CTNNA3: variants seen among roughly 807,000 people sequenced by gnomAD.
CTNNA3 encodes catenin alpha 3, also known as catenin alpha-3.
Under a neutral mutation model 95.7 loss-of-function variants are expected in CTNNA3, and 76 were observed. The observed-to-expected ratio is 0.79, with a 90% CI of 0.66 to 0.96. The LOEUF (loss-of-function observed/expected upper bound fraction) is 0.96, where lower values mean the gene tolerates loss of function less well. CTNNA3 is among the 40% of genes least tolerant of loss of function. The pLI, the probability that CTNNA3 is intolerant of heterozygous loss-of-function variation, is 0.00. For missense variants in CTNNA3, 1,191 were observed against 1,089.8 expected (o/e 1.09, Z -1.31); for synonymous variants, 431 against 374.4 (o/e 1.15, Z -1.74).
intron 16 of CTNNA3, among the ~76,000 whole-genome samples, chr10:65,968,633 A>T (rs2078028167): frequency 6.6e-6 from 1 of 152,088 alleles, no homozygotes; most frequent in African/African-American, 2.4e-5. Context: ...TTCAAAGTAC[A>T]TGTTTGCTCA....
chr10:67,485,062 C>T (rs1056866635), intron 5 of CTNNA3, among the ~76,000 whole-genome samples: 2 of 152,158 alleles, frequency 1.3e-5, no homozygotes, highest in African/African-American at 2.4e-5. Flanking sequence ...GACATGGAAT[C>T]AACATAGATG....
intron 13 of CTNNA3, among the ~76,000 whole-genome samples, chr10:66,130,864 C>CAAAAAAAAAAAA (rs1209953818): frequency 3.6e-5 from 3 of 83,276 alleles, no homozygotes; most frequent in African/African-American, 3.9e-5. Flanking sequence ...CAAAAACAAA[C>CAAAAAAAAAAAA]AAAAAAAAAA....
Position 67,305,466 on chromosome 10 carries a change from G to A in CTNNA3, c.580-85596C>T, listed in dbSNP as rs566366184. Among the ~76,000 whole-genome samples, 9 of 152,036 alleles carry A rather than the reference G, an allele frequency of 5.9e-5. No individual in the cohort carries two copies. The South Asian group carries it at 1.9e-3, about 32-fold the overall frequency. ...GGAAAAGTCTAGATAGGTATGTAGG[G>A]GAGAAATAAAGAAGGGTCTTGTACC... On this transcript the variant is annotated intron_variant, in intron 5 of 17. Coordinates refer to ENST00000433211, the MANE Select transcript of CTNNA3 (RefSeq NM_013266.4).
intron 7 of CTNNA3, among the ~76,000 whole-genome samples, chr10:67,104,132 A>G (rs867471540): frequency 2.0e-4 from 30 of 151,872 alleles, no homozygotes; most frequent in Non-Finnish European, 1.2e-4. Flanking sequence ...TGGCTGAAAA[A>G]AAGAGGTCAG....
intron 13 of CTNNA3, among the ~76,000 whole-genome samples, chr10:66,122,726 G>A (rs1347910156): frequency 6.6e-6 from 1 of 152,182 alleles, no homozygotes; most frequent in African/African-American, 2.4e-5. Flanking sequence ...ACATGGCTAG[G>A]AATGCCTCAC....
intron 15 of CTNNA3, among the ~76,000 whole-genome samples, chr10:66,041,723 CT>C (rs67577090): frequency 1.2e-4 from 18 of 151,378 alleles, no homozygotes; most frequent in African/African-American, 2.9e-4. Flanking sequence ...GCATTTGTTC[CT>C]TTTTTTTTCT....
chr10:66,407,090 C>T (rs1025336237), intron 11 of CTNNA3, among the ~76,000 whole-genome samples: 6 of 151,954 alleles, frequency 3.9e-5, no homozygotes, highest in African/African-American at 1.5e-4. Context: ...GAATATCAAA[C>T]ACCAGCCAAC....
chr10:66,199,540 A>G (rs2087183321), intron 13 of CTNNA3, among the ~76,000 whole-genome samples: 1 of 151,388 alleles, frequency 6.6e-6, no homozygotes, highest in African/African-American at 2.4e-5. Context: ...ATTTTATGAC[A>G]TAAAAACTAT....
chr10:66,691,061 T>C (rs542695262), intron 9 of CTNNA3, among the ~76,000 whole-genome samples: 5 of 152,270 alleles, frequency 3.3e-5, no homozygotes, highest in African/African-American at 9.6e-5. Flanking sequence ...TGCATTTCCA[T>C]CTGAGGTACC....
chr10:66,685,138 A>G (rs1847203541), intron 9 of CTNNA3, among the ~76,000 whole-genome samples: 1 of 146,960 alleles, frequency 6.8e-6, no homozygotes, highest in African/African-American at 2.5e-5. Flanking sequence ...AGGCATTCTT[A>G]GAAGAACTAT....
intron 12 of CTNNA3, among the ~76,000 whole-genome samples, chr10:66,360,739 TCTTTCTTC>T (rs768835577): frequency 0.15 from 11,900 of 81,672 alleles, 2,194 homozygotes; most frequent in South Asian, 0.3. Flanking sequence ...TTTCTTTCTT[TCTTTCTTC>T]CTTCCTTCCT....
At chr10:66,228,579 C>G (rs572956303) in intron 13 of CTNNA3, among the ~76,000 whole-genome samples, 1 of 152,050 alleles carries the variant, frequency 6.6e-6, no homozygotes, top group Non-Finnish European at 1.5e-5. Flanking sequence ...GTTTTGTGAC[C>G]TAACTTTGTG....
intron 17 of CTNNA3, among the ~76,000 whole-genome samples, chr10:65,926,689 T>C (rs2077173679): frequency 2.0e-5 from 3 of 152,116 alleles, no homozygotes; most frequent in Admixed American, 2.0e-4. Flanking sequence ...TTGGTCAGGC[T>C]CGTCTTGAAC....
Position 66,069,421 on chromosome 10 carries a change from T to C in CTNNA3, c.2046A>G (p.Lys682=). The C allele has an allele frequency of 6.2e-7, 1 of 1,613,672 alleles. No individual in the cohort carries two copies. Among genetic ancestry groups the C allele is most frequent in the Non-Finnish European group, 8.5e-7 (1 of 1,179,758 alleles). The part of the protein sequence containing the change: ...KIAEQVADFK[K]VKSKLDAEIE... ...TCTCAGCATCCAGCTTACTCTTTAC[T>C]TTCTTGAAATCAGCAACTTGCTCAG... The change falls in exon 15 of 18, where the codon AAA becomes AAG. Residue 682 remains lysine (K), a synonymous_variant. Coordinates refer to ENST00000433211, the MANE Select transcript of CTNNA3 (RefSeq NM_013266.4).
At position 65,912,750 on chromosome 10, in the gene CTNNA3, A is replaced by G. The variant is rs1435968460; in HGVS notation, c.*7580T>C. ...ACACAAAAGACATGCAGGGTCTCAAACAAGGAGTATTTGGGCTTCTATGTC... is the reference window on the plus strand; with the variant it reads ...ACACAAAAGACATGCAGGGTCTCAAGCAAGGAGTATTTGGGCTTCTATGTC... On this transcript the variant is annotated 3_prime_UTR_variant, in exon 18 of 18. Transcript: ENST00000433211. 6.6e-6 allele frequency: 1 copy of G among 152,202 alleles called. No individual in the cohort carries two copies. Among genetic ancestry groups the G allele is most frequent in the Non-Finnish European group, 1.5e-5 (1 of 68,034 alleles). 9.4% of individuals were successfully genotyped at this position (152,202 alleles called of 1,614,324 possible). A position where few individuals can be genotyped will look rare whatever the true frequency, so the allele number is the denominator to read the frequency against.
chr10:67,042,474 T>C (rs1450126964), intron 7 of CTNNA3, among the ~76,000 whole-genome samples: 1 of 152,142 alleles, frequency 6.6e-6, no homozygotes, highest in Non-Finnish European at 1.5e-5. Flanking sequence ...GATTTTTAGA[T>C]CTGGAGCTCA....
chr10:67,291,950 C>T (rs1367669574), intron 5 of CTNNA3, among the ~76,000 whole-genome samples: 1 of 152,074 alleles, frequency 6.6e-6, no homozygotes, highest in Non-Finnish European at 1.5e-5. Flanking sequence ...GGAAATTGTC[C>T]ATTTATATGC....
At chr10:67,574,880 C>G (rs1260115418) in intron 3 of CTNNA3, among the ~76,000 whole-genome samples, 2 of 152,174 alleles carry the variant, frequency 1.3e-5, no homozygotes, top group Non-Finnish European at 2.9e-5. Context: ...CAAGCCTGAC[C>G]AAGGTTGTTA....
At position 67,425,547 on chromosome 10, in the gene CTNNA3, G is replaced by T. The variant is rs146466403; in HGVS notation, c.579+96295C>A. Among the ~76,000 whole-genome samples the T allele has an allele frequency of 7.2e-5, 11 of 152,122 alleles. No homozygotes were observed. The East Asian group carries it at 2.1e-3, about 29-fold the overall frequency. ...TTGAAGAGGAAAAAAAAACCGTGCA[G>T]AAGCAGGGTATAGCCACTAGGAATT... is the stretch of plus-strand genomic sequence containing the variant. On this transcript the variant is annotated intron_variant, in intron 5 of 17. Transcript: ENST00000433211.
Sources: gnomAD v4.1 joint callset for allele counts (sites outside exome capture counted in the v4.1 genomes callset) on GRCh38, gnomAD v4.1.1 for gene constraint, MANE v1.5 for transcripts, NCBI Gene and HGNC (gene_info 2026-07-23, HGNC 2026-07-21) for gene names.